The following LHFPL2 variants were observed in gnomAD, a reference collection of about 807,000 sequenced individuals.
LHFPL2 encodes LHFPL tetraspan subfamily member 2 protein.
A neutral mutation model predicts 17.5 loss-of-function variants in LHFPL2; 7 were observed. The observed-to-expected ratio is 0.40, with a 90% confidence interval of 0.23 to 0.75. The LOEUF (loss-of-function observed/expected upper bound fraction) is 0.75. Among genes scored for constraint, LHFPL2 ranks in the 30% least tolerant of loss-of-function variants. The pLI is 0.37. For synonymous variants in LHFPL2, 134 were observed against 116.2 expected (o/e 1.15, Z -0.99); for missense variants, 241 against 294.8 (o/e 0.82, Z 1.34).
chr5:78,580,921 T>G (rs1309631382), intron 2 of LHFPL2, among the ~76,000 whole-genome samples: 1 of 152,222 alleles, frequency 6.6e-6, no homozygotes, highest in Non-Finnish European at 1.5e-5. Flanking sequence ...GCATTGAATC[T>G]ACAAATTACC....
At chr5:78,615,321 G>A (rs1234878998) in intron 2 of LHFPL2, among the ~76,000 whole-genome samples, 1 of 152,032 alleles carries the variant, frequency 6.6e-6, no homozygotes, top group Non-Finnish European at 1.5e-5. Context: ...AGAAATACCT[G>A]TTTATCAAGC....
rs188345145 is a variant in LHFPL2, at chr5:78,562,507, T to A, written c.-186+2306A>T. Among the ~76,000 whole-genome samples, 3 of 152,208 alleles carry A rather than the reference T, an allele frequency of 2.0e-5. No individual in the cohort carries two copies. In the East Asian group the frequency reaches 5.8e-4, roughly 29 times the overall value. On this transcript the variant is annotated intron_variant, in intron 3 of 4. Transcript: ENST00000380345. ...AAAATTAGCTGGGCATGGTGGCAGATGCCTGTAATCCCAGCTACTTGGGAG... is the reference window on the plus strand; with the variant it reads ...AAAATTAGCTGGGCATGGTGGCAGAAGCCTGTAATCCCAGCTACTTGGGAG...
At chr5:78,502,575 G>A (rs2112308127) in intron 4 of LHFPL2, among the ~76,000 whole-genome samples, 1 of 152,296 alleles carries the variant, frequency 6.6e-6, no homozygotes, top group Middle Eastern at 3.4e-3. Flanking sequence ...TTATTCATCA[G>A]ACAGGCAGGA....
intron 2 of LHFPL2, among the ~76,000 whole-genome samples, chr5:78,573,897 G>A (rs1757064363): frequency 6.6e-6 from 1 of 152,204 alleles, no homozygotes; most frequent in Non-Finnish European, 1.5e-5. Context: ...ATTCTGTAAT[G>A]TTTGAATTTT....
chr5:78,575,687 A>T (rs1300930805), intron 2 of LHFPL2, among the ~76,000 whole-genome samples: 1 of 152,232 alleles, frequency 6.6e-6, no homozygotes, highest in Non-Finnish European at 1.5e-5. Flanking sequence ...CAGCACTAAA[A>T]CAAAATGTTA....
chr5:78,635,993 CACACAG>C (rs1745434661), intron 1 of LHFPL2, among the ~76,000 whole-genome samples: 2 of 99,284 alleles, frequency 2.0e-5, no homozygotes, highest in Admixed American at 2.2e-4. Context: ...TCCCATCACA[CACACAG>C]ACACACACAC....
At chr5:78,526,152 A>C (rs62378909) in intron 3 of LHFPL2, among the ~76,000 whole-genome samples, 70,188 of 151,702 alleles carry the variant, frequency 0.46, 16,879 homozygotes, top group African/African-American at 0.59. Flanking sequence ...CCACCACTCT[A>C]CAGAGCACTC....
chr5:78,577,244 A>G (rs960101403), intron 2 of LHFPL2, among the ~76,000 whole-genome samples: 1 of 152,186 alleles, frequency 6.6e-6, no homozygotes, highest in Non-Finnish European at 1.5e-5. Context: ...TGATGCCCTA[A>G]CTGTATATGA....
At chr5:78,535,044 C>T (rs1203704228) in intron 3 of LHFPL2, among the ~76,000 whole-genome samples, 4 of 152,232 alleles carry the variant, frequency 2.6e-5, no homozygotes, top group Non-Finnish European at 5.9e-5. Flanking sequence ...AAAAACCCAA[C>T]GACTTCTTAG....
intron 2 of LHFPL2, among the ~76,000 whole-genome samples, chr5:78,574,476 C>G (rs1336615034): frequency 6.6e-6 from 1 of 152,260 alleles, no homozygotes; most frequent in African/African-American, 2.4e-5. Context: ...CAACTGAACC[C>G]TGACCCTGGC....
In LHFPL2 at chr5:78,488,680, T is replaced by C; in HGVS notation, c.*217A>G. On this transcript the variant is annotated 3_prime_UTR_variant, in exon 5 of 5. Transcript: ENST00000380345. ...CAACTCCAGGTCTAGGATTATATAC[T>C]ATTTTCATGTTCCATTCCTTATAAT... 1 of 577,612 alleles carries C rather than the reference T, an allele frequency of 1.7e-6. No individual in the cohort carries two copies. Among genetic ancestry groups the C allele is most frequent in the Non-Finnish European group, 3.1e-6 (1 of 324,266 alleles). 35.8% of individuals were successfully genotyped at this position (577,612 alleles called of 1,614,324 possible). A position where few individuals can be genotyped will look rare whatever the true frequency, so the allele number is the denominator to read the frequency against.
At chr5:78,555,480 G>A (rs1756548030) in intron 3 of LHFPL2, among the ~76,000 whole-genome samples, 3 of 152,226 alleles carry the variant, frequency 2.0e-5, no homozygotes. Context: ...GGAGGAACAT[G>A]GAAGGAGGAA....
chr5:78,572,521 T>TATATATATACACAC (rs1454622478), intron 2 of LHFPL2, among the ~76,000 whole-genome samples: 2 of 141,350 alleles, frequency 1.4e-5, no homozygotes, highest in Non-Finnish European at 1.6e-5. Flanking sequence ...TACACACACA[T>TATATATATACACAC]ATATATATAT....
intron 4 of LHFPL2, among the ~76,000 whole-genome samples, chr5:78,499,091 T>G (rs1205522145): frequency 1.3e-5 from 2 of 152,212 alleles, no homozygotes; most frequent in Non-Finnish European, 2.9e-5. Context: ...GCCCATTTCC[T>G]TTCCAAGCAT....
At chr5:78,570,751 C>T (rs1348800049) in intron 2 of LHFPL2, among the ~76,000 whole-genome samples, 1 of 151,470 alleles carries the variant, frequency 6.6e-6, no homozygotes, top group Non-Finnish European at 1.5e-5. Flanking sequence ...CCTACTTGTT[C>T]CAGAATAGGT....
chr5:78,537,166 G>A (rs1755973724), intron 3 of LHFPL2, among the ~76,000 whole-genome samples: 1 of 152,144 alleles, frequency 6.6e-6, no homozygotes, highest in Non-Finnish European at 1.5e-5. Flanking sequence ...CTACACACAT[G>A]CTCTGGCCCC....
intron 2 of LHFPL2, among the ~76,000 whole-genome samples, chr5:78,591,340 T>C (rs1464036321): frequency 6.6e-6 from 1 of 152,236 alleles, no homozygotes; most frequent in African/African-American, 2.4e-5. Flanking sequence ...TTGCAGCTTT[T>C]GAAACCGTTT....
intron 3 of LHFPL2, among the ~76,000 whole-genome samples, chr5:78,520,485 T>C (rs1434362871): frequency 2.0e-5 from 3 of 152,300 alleles, no homozygotes; most frequent in East Asian, 1.9e-4. Context: ...TCTTCTACCT[T>C]CTCCCAGACT....
intron 2 of LHFPL2, among the ~76,000 whole-genome samples, chr5:78,569,940 A>G (rs1310467707): frequency 6.6e-6 from 1 of 152,214 alleles, no homozygotes; most frequent in Non-Finnish European, 1.5e-5. Context: ...ATAGCCTATA[A>G]CGTGCCAGCC....
Sources: gnomAD v4.1 joint callset for allele counts (sites outside exome capture counted in the v4.1 genomes callset) on GRCh38, gnomAD v4.1.1 for gene constraint, MANE v1.5 for transcripts, NCBI Gene and HGNC (gene_info 2026-07-23, HGNC 2026-07-21) for gene names.